The following PDZD2 variants were observed in gnomAD, a reference collection of about 807,000 sequenced individuals.
The protein encoded by PDZD2 is PDZ domain containing 2, also known as PDZ domain-containing protein 2.
A neutral mutation model predicts 220.7 loss-of-function variants in PDZD2; 90 were observed. The observed-to-expected ratio is 0.41, with a 90% CI of 0.34 to 0.49. PDZD2 has a LOEUF of 0.49. Ranked by LOEUF, PDZD2 falls within the 20% of genes least tolerant of loss-of-function variation. The pLI, the probability that PDZD2 is intolerant of heterozygous loss-of-function variation, is 0.28. For synonymous variants in PDZD2, 1,375 were observed against 1,450.5 expected (o/e 0.95, Z 1.18); for missense variants, 3,174 against 3,608.5 (o/e 0.88, Z 3.08).
chr5:31,954,576 G>T (rs1051667330), intron 2 of PDZD2, among the ~76,000 whole-genome samples: 1 of 152,108 alleles, frequency 6.6e-6, no homozygotes, highest in Non-Finnish European at 1.5e-5. Context: ...GGTTACAAAA[G>T]TACCATGAAC....
intron 1 of PDZD2, chr5:31,754,407 G>A (rs2162896): frequency 0.049 from 7,474 of 152,214 alleles, 268 homozygotes; most frequent in Non-Finnish European, 0.07. Flanking sequence ...CGAGGCTCTC[G>A]GTTGTCTTTT....
At chr5:31,804,905 G>A (rs1754620032) in intron 2 of PDZD2, among the ~76,000 whole-genome samples, 1 of 152,132 alleles carries the variant, frequency 6.6e-6, no homozygotes, top group South Asian at 2.1e-4. Context: ...CTTGTACAAG[G>A]AAGCCCGGTC....
chr5:31,812,719 G>T (rs1157486047), intron 2 of PDZD2, among the ~76,000 whole-genome samples: 1 of 152,054 alleles, frequency 6.6e-6, no homozygotes, highest in East Asian at 1.9e-4. Flanking sequence ...TTACCAAATG[G>T]GCAGAAAAAC....
chr5:31,891,872 TCTG>T (rs1741077413), intron 2 of PDZD2, among the ~76,000 whole-genome samples: 1 of 151,958 alleles, frequency 6.6e-6, no homozygotes, highest in African/African-American at 2.4e-5. Flanking sequence ...AGTTAGGAAA[TCTG>T]CTGTGACAAA....
chr5:32,058,630 T>C (rs796205986), intron 12 of PDZD2, among the ~76,000 whole-genome samples: 15 of 141,452 alleles, frequency 1.1e-4, no homozygotes, highest in African/African-American at 3.3e-4. Flanking sequence ...GCCGAGATCG[T>C]GCCACTGCAC....
intron 1 of PDZD2, among the ~76,000 whole-genome samples, chr5:31,743,801 G>A (rs187502569): frequency 6.6e-6 from 1 of 152,068 alleles, no homozygotes; most frequent in African/African-American, 2.4e-5. Context: ...GAAAGAAATG[G>A]AAGAAACATG....
chr5:31,733,882 C>T (rs1464816695), intron 1 of PDZD2, among the ~76,000 whole-genome samples: 1 of 152,192 alleles, frequency 6.6e-6, no homozygotes, highest in African/African-American at 2.4e-5. Context: ...CCAGTGGGCA[C>T]CAACTAGGTG....
chr5:31,969,679 A>G (rs1183203002), intron 2 of PDZD2, among the ~76,000 whole-genome samples: 1 of 151,996 alleles, frequency 6.6e-6, no homozygotes, highest in African/African-American at 2.4e-5. Context: ...TCCTAAACTG[A>G]TTTATGGTGA....
At chr5:31,963,375 T>C (rs1748423472) in intron 2 of PDZD2, among the ~76,000 whole-genome samples, 1 of 152,246 alleles carries the variant, frequency 6.6e-6, no homozygotes. Context: ...TTTGCCCAAA[T>C]ATTTGTGACA....
intron 2 of PDZD2, among the ~76,000 whole-genome samples, chr5:31,976,714 C>CTTTTTTTTTTTTTTTTTTTTTTTTT (rs869280921): frequency 5.0e-5 from 5 of 99,718 alleles, no homozygotes; most frequent in Non-Finnish European, 7.8e-5. Flanking sequence ...TTTCTTCTTT[C>CTTTTTTTTTTTTTTTTTTTTTTTTT]TTTTTTTTTT....
At chr5:31,811,989 CAAAAATAAATAA>C (rs1755140698) in intron 2 of PDZD2, among the ~76,000 whole-genome samples, 1 of 120,708 alleles carries the variant, frequency 8.3e-6, no homozygotes, top group Non-Finnish European at 1.7e-5. Context: ...GACTCTGTCT[CAAAAATAAATAA>C]ATAAATAAAT....
chr5:31,881,705 CAT>C (rs201097537), intron 2 of PDZD2, among the ~76,000 whole-genome samples: 6 of 148,204 alleles, frequency 4.0e-5, no homozygotes, highest in Non-Finnish European at 9.0e-5. Flanking sequence ...AATACACACA[CAT>C]ATATATATAC....
chr5:31,908,767 G>A (rs949518660), intron 2 of PDZD2: 15 of 920,916 alleles, frequency 1.6e-5, no homozygotes, highest in Admixed American at 7.3e-5. Flanking sequence ...AGTTCTGGCC[G>A]GGCGTGGTGG....
chr5:31,686,230 A>T (rs1317376919), intron 1 of PDZD2, among the ~76,000 whole-genome samples: 1 of 152,182 alleles, frequency 6.6e-6, no homozygotes, highest in Admixed American at 6.5e-5. Flanking sequence ...TCTCAAAAAA[A>T]AAAATAGCCA....
At chr5:31,922,341 T>G (rs946698789) in intron 2 of PDZD2, among the ~76,000 whole-genome samples, 4 of 152,204 alleles carry the variant, frequency 2.6e-5, no homozygotes, top group African/African-American at 4.8e-5. Context: ...TTTGATAGAT[T>G]TCTTCCCTCC....
chr5:31,957,196 C>A (rs1747788215), intron 2 of PDZD2, among the ~76,000 whole-genome samples: 1 of 152,212 alleles, frequency 6.6e-6, no homozygotes, highest in Admixed American at 6.5e-5. Flanking sequence ...GCCACCATGC[C>A]TGGCTCTGTT....
intron 2 of PDZD2, among the ~76,000 whole-genome samples, chr5:31,960,201 C>CCTTTCCTTCCTT (rs1022872669): frequency 4.0e-5 from 6 of 150,096 alleles, no homozygotes; most frequent in Non-Finnish European, 7.4e-5. Context: ...TTCTTTCCTT[C>CCTTTCCTTCCTT]CTTTCCTTCC....
At chr5:31,713,601 A>T (rs145150004) in intron 1 of PDZD2, among the ~76,000 whole-genome samples, 1 of 152,276 alleles carries the variant, frequency 6.6e-6, no homozygotes, top group Non-Finnish European at 1.5e-5. Flanking sequence ...TGTGGTAATG[A>T]GTGAGTTCTT....
chr5:31,731,008 C>T (rs1490813478), intron 1 of PDZD2, among the ~76,000 whole-genome samples: 1 of 152,178 alleles, frequency 6.6e-6, no homozygotes, highest in Non-Finnish European at 1.5e-5. Context: ...AGCGAAAATA[C>T]TTCTCATGCC....
Sources: allele counts gnomAD v4.1 joint callset (sites outside exome capture counted in the v4.1 genomes callset), GRCh38; gene constraint gnomAD v4.1.1; transcripts MANE v1.5; gene names NCBI Gene and HGNC (gene_info 2026-07-23, HGNC 2026-07-21).